The following KLRG1 variants were observed in gnomAD, a reference collection of about 807,000 sequenced individuals.
KLRG1 encodes the protein killer cell lectin-like receptor subfamily G member 1.
KLRG1 carries 16 observed loss-of-function variants against 21.8 expected under a neutral mutation model. That is an observed-to-expected ratio of 0.73 (90% CI 0.50 to 1.11). The LOEUF (loss-of-function observed/expected upper bound fraction) is 1.11. Ranked by LOEUF, KLRG1 falls within the 50% of genes most tolerant of loss-of-function variation. The probability of loss-of-function intolerance (pLI) is 0.00; values close to 1 mark genes in which losing one functional copy is unlikely to be tolerated. For synonymous variants in KLRG1, 69 were observed against 75.9 expected, an observed-to-expected ratio of 0.91 and a Z score of 0.47; for missense variants, 173 against 218.3, an observed-to-expected ratio of 0.79 and a Z score of 1.31.
the KLRG1 span, chr12:9,090,288 A>C: frequency 3.7e-6 from 6 of 1,606,284 alleles, no homozygotes; most frequent in Non-Finnish European, 5.1e-6. Flanking sequence ...AGTAGCACTC[A>C]ATATAAGGTT....
the KLRG1 span, among the ~76,000 whole-genome samples, chr12:9,076,055 T>C: frequency 1.5e-4 from 23 of 152,346 alleles, no homozygotes; most frequent in African/African-American, 5.5e-4. Flanking sequence ...CCATGGTATA[T>C]GTAGAAGTAC....
intron 3 of KLRG1, among the ~76,000 whole-genome samples, chr12:9,000,095 G>T (rs1947261297): frequency 6.6e-6 from 1 of 152,078 alleles, no homozygotes; most frequent in Non-Finnish European, 1.5e-5. Flanking sequence ...CTTTTACTTT[G>T]CTCTTCTGTG....
At chr12:9,196,944 A>G in the KLRG1 span, 2 of 1,205,694 alleles carry the variant, frequency 1.7e-6, no homozygotes, top group Non-Finnish European at 2.4e-6. Context: ...CCCTCTTTCT[A>G]GTTAGTAAAA....
At chr12:9,077,454 A>G in the KLRG1 span, 4 of 1,582,270 alleles carry the variant, frequency 2.5e-6, no homozygotes, top group Middle Eastern at 1.7e-4. Flanking sequence ...GAATAATTCA[A>G]CTTCTGAGAA....
chr12:8,994,692 C>T (rs1184881890), intron 2 of KLRG1, among the ~76,000 whole-genome samples: 2 of 152,146 alleles, frequency 1.3e-5, no homozygotes, highest in Non-Finnish European at 2.9e-5. Flanking sequence ...CTGATTTAAG[C>T]AATATACATT....
the KLRG1 span, among the ~76,000 whole-genome samples, chr12:9,038,646 C>T: frequency 2.9e-3 from 438 of 152,162 alleles, 1 homozygote; most frequent in Non-Finnish European, 4.3e-3. Flanking sequence ...AGTACCAGAG[C>T]AAGACTTTTC....
Position 8,953,115 on chromosome 12 carries a change from C to T in KLRG1, c.-156+2879C>T, listed in dbSNP as rs1447797574. The stretch of plus-strand genomic sequence containing the variant: ...CTGTGTTATAGTTTGTATCTGCATT[C>T]GGTGGTTCCTGAACTCTTGTCCCAC... On this transcript the variant is annotated intron_variant, in intron 1 of 4. Coordinates refer to the KLRG1 transcript ENST00000539240. Among the ~76,000 whole-genome samples, 8 of 151,158 alleles carry T rather than the reference C, an allele frequency of 5.3e-5. No individual in the cohort carries two copies. The East Asian group carries it at 5.8e-4, about 11-fold the overall frequency.
rs1422100553 is a variant in KLRG1 at position 9,009,852 on chromosome 12, A to G, written c.*315A>G. ...ATCCCCGTCCCAACCATCTCTGTCA[A>G]AAATATACCTTTTTCATATGATATT... is the stretch of plus-strand genomic sequence containing the variant. On this transcript the variant is annotated 3_prime_UTR_variant, in exon 5 of 5. Coordinates refer to ENST00000356986, the MANE Select transcript of KLRG1 (RefSeq NM_005810.4). 6.8e-7 allele frequency: 1 copy of G among 1,466,752 alleles called. No individual in the cohort carries two copies. Among genetic ancestry groups the G allele is most frequent in the African/African-American group, 1.4e-5 (1 of 70,344 alleles). 90.9% of individuals were successfully genotyped at this position (1,466,752 alleles called of 1,614,324 possible). A position where few individuals can be genotyped will look rare whatever the true frequency, so the allele number is the denominator to read the frequency against.
chr12:9,104,856 C>T, the KLRG1 span, among the ~76,000 whole-genome samples: 1 of 152,078 alleles, frequency 6.6e-6, no homozygotes, highest in Non-Finnish European at 1.5e-5. Flanking sequence ...TTGGAGTGGA[C>T]CATTAACTTC....
intron 1 of KLRG1, among the ~76,000 whole-genome samples, chr12:8,963,791 C>T (rs1158393903): frequency 1.3e-5 from 2 of 152,128 alleles, no homozygotes; most frequent in Admixed American, 6.6e-5. Flanking sequence ...GGAATTTATC[C>T]ATTTCTTCTA....
At chr12:9,135,237 C>T in the KLRG1 span, 1 of 250,478 alleles carries the variant, frequency 4.0e-6, no homozygotes, top group Non-Finnish European at 8.3e-6. Context: ...TCACTGATTC[C>T]CAGAAAAGCC....
chr12:9,054,653 C>A, the KLRG1 span, among the ~76,000 whole-genome samples: 1 of 152,052 alleles, frequency 6.6e-6, no homozygotes, highest in Non-Finnish European at 1.5e-5. Flanking sequence ...CTCTATTTTG[C>A]TACTGAACAC....
At chr12:9,094,340 CATATATATATATATATAT>C in the KLRG1 span, among the ~76,000 whole-genome samples, 92 of 97,030 alleles carry the variant, frequency 9.5e-4, 2 homozygotes, top group Middle Eastern at 0.012. Flanking sequence ...AAAAATTGTG[CATATATATATATATATAT>C]ATATATATAT....
chr12:9,030,211 T>G, the KLRG1 span, among the ~76,000 whole-genome samples: 2 of 152,128 alleles, frequency 1.3e-5, no homozygotes, highest in East Asian at 3.8e-4. Context: ...AAGATGAAAG[T>G]GATGAGAACG....
chr12:9,160,562 G>T, the KLRG1 span: 1 of 1,385,472 alleles, frequency 7.2e-7, no homozygotes, highest in Non-Finnish European at 9.9e-7. Flanking sequence ...AACAAAAATG[G>T]CCTTTATATT....
At chr12:8,990,671 A>G (rs997932890) in intron 1 of KLRG1, among the ~76,000 whole-genome samples, 6 of 152,130 alleles carry the variant, frequency 3.9e-5, no homozygotes, top group African/African-American at 1.4e-4. Flanking sequence ...GCATATCTCA[A>G]AGTATATGTT....
chr12:9,008,861 C>T, intron 3 of KLRG1, 114 bp from the exon 4 acceptor site: 1 of 680,006 alleles, frequency 1.5e-6, no homozygotes, highest in Non-Finnish European at 2.5e-6. Context: ...GTAAGGAATG[C>T]TAGTTTGTCT....
the KLRG1 span, among the ~76,000 whole-genome samples, chr12:9,021,113 G>T: frequency 6.6e-6 from 1 of 152,130 alleles, no homozygotes; most frequent in African/African-American, 2.4e-5. Context: ...TGGTACACCT[G>T]CATATGACAC....
chr12:9,207,340 T>C, the KLRG1 span, among the ~76,000 whole-genome samples: 4 of 152,196 alleles, frequency 2.6e-5, no homozygotes, highest in Non-Finnish European at 5.9e-5. Context: ...TGTGCTATTA[T>C]TGGACCCAAG....
Sources: gnomAD v4.1 joint callset for allele counts (sites outside exome capture counted in the v4.1 genomes callset) on GRCh38, gnomAD v4.1.1 for gene constraint, MANE v1.5 for transcripts, NCBI Gene and HGNC (gene_info 2026-07-23, HGNC 2026-07-21) for gene names.